The following SCN8A variants were observed in gnomAD, a reference collection of about 807,000 sequenced individuals.
SCN8A encodes the protein sodium voltage-gated channel alpha subunit 8, also known as sodium channel protein type 8 subunit alpha.
In SCN8A, 30 loss-of-function variants were observed where a neutral mutation model predicts 184.1. That is an observed-to-expected ratio of 0.16 (90% CI 0.12 to 0.22). The LOEUF (loss-of-function observed/expected upper bound fraction) is 0.22, where lower values mean the gene tolerates loss of function less well. Ranked by LOEUF, SCN8A falls within the 10% of genes least tolerant of loss-of-function variation. The probability of loss-of-function intolerance (pLI) is 1.00; values close to 1 mark genes in which losing one functional copy is unlikely to be tolerated. For synonymous variants in SCN8A, 852 were observed against 907.0 expected (o/e 0.94, Z 1.09); for missense variants, 1,057 against 2,498.9 (o/e 0.42, Z 12.30).
At chr12:51,767,476 G>A (rs994119492) in intron 16 of SCN8A, among the ~76,000 whole-genome samples, 1 of 152,092 alleles carries the variant, frequency 6.6e-6, no homozygotes, top group Non-Finnish European at 1.5e-5. Context: ...TGTCTTAAAT[G>A]CATCTTTCTT....
chr12:51,602,539 G>C (rs568298584), intron 1 of SCN8A, among the ~76,000 whole-genome samples: 6 of 152,264 alleles, frequency 3.9e-5, no homozygotes, highest in South Asian at 4.1e-4. Flanking sequence ...GATAATGGTT[G>C]TACCACAATG....
At chr12:51,711,439 C>G (rs1941874125) in intron 11 of SCN8A, among the ~76,000 whole-genome samples, 1 of 152,158 alleles carries the variant, frequency 6.6e-6, no homozygotes, top group African/African-American at 2.4e-5. Flanking sequence ...CCTGCAGTTT[C>G]TCTGGAAGAG....
At chr12:51,600,138 A>T (rs1939432491) in intron 1 of SCN8A, among the ~76,000 whole-genome samples, 1 of 152,128 alleles carries the variant, frequency 6.6e-6, no homozygotes. Flanking sequence ...GAACTTTATT[A>T]TCTAAGCTCT....
chr12:51,770,111 C>T (rs554606524), intron 18 of SCN8A, 126 bp downstream of exon 18: 2 of 674,094 alleles, frequency 3.0e-6, no homozygotes, highest in South Asian at 3.4e-5. Context: ...CTCCCCACCC[C>T]ACCATTTTGA....
chr12:51,801,633 A>G (rs78203087), intron 26 of SCN8A, among the ~76,000 whole-genome samples: 4,161 of 152,262 alleles, frequency 0.027, 178 homozygotes, highest in African/African-American at 0.092. Flanking sequence ...TAAACACAGA[A>G]TCCCTGCTTA....
intron 1 of SCN8A, among the ~76,000 whole-genome samples, chr12:51,596,599 T>A (rs1461085922): frequency 6.6e-6 from 1 of 152,200 alleles, no homozygotes; most frequent in Admixed American, 6.5e-5. Flanking sequence ...TAATGAAAGA[T>A]TCTGGGATAG....
At chr12:51,799,297 G>C (rs147318350) in intron 26 of SCN8A, among the ~76,000 whole-genome samples, 1,618 of 152,244 alleles carry the variant, frequency 0.011, 25 homozygotes, top group African/African-American at 0.034. Context: ...TCCATTTGAC[G>C]ATGGAATGCT....
At chr12:51,755,239 G>T (rs1275368756) in intron 14 of SCN8A, among the ~76,000 whole-genome samples, 2 of 152,180 alleles carry the variant, frequency 1.3e-5, no homozygotes, top group Admixed American at 1.3e-4. Context: ...TAAATTTCCT[G>T]TTCATTCAGA....
In SCN8A at chr12:51,810,586, GTA is replaced by G. The variant is rs1387409702; in HGVS notation, c.*3159_*3160del. On this transcript the variant is annotated 3_prime_UTR_variant, in exon 27 of 27. Coordinates refer to ENST00000627620, the MANE Select transcript of SCN8A (RefSeq NM_001330260.2). ...TTTTTGTAGCCAGGTCCTTGGTGCA[GTA>G]TTTATACTCCACAATCCACCTTTTA... 2 of 157,294 alleles carry G rather than the reference GTA, an allele frequency of 1.3e-5. No homozygotes were observed. The highest frequency in any genetic ancestry group is 2.8e-5 in the Non-Finnish European group (2 of 72,164). The allele number at this position is 157,294 out of a possible 1,614,324, so 9.7% of individuals were successfully genotyped here.
intron 1 of SCN8A, among the ~76,000 whole-genome samples, chr12:51,631,495 G>T (rs572584000): frequency 6.6e-6 from 1 of 152,152 alleles, no homozygotes; most frequent in Admixed American, 6.6e-5. Context: ...TTGTCTCTGC[G>T]TACTTCAACT....
chr12:51,800,709 T>C (rs1370634143), intron 26 of SCN8A, among the ~76,000 whole-genome samples: 1 of 152,196 alleles, frequency 6.6e-6, no homozygotes, highest in Non-Finnish European at 1.5e-5. Context: ...CTGACCTCCA[T>C]AAGCCCTTAC....
At chr12:51,766,124 C>T (rs1458573307) in intron 16 of SCN8A, 97 bp downstream of exon 16, 1 of 939,804 alleles carries the variant, frequency 1.1e-6, no homozygotes, top group African/African-American at 1.6e-5. Flanking sequence ...CCTTCTACTA[C>T]CCGTCATGTT....
At chr12:51,740,770 T>C (rs1174834972) in intron 12 of SCN8A, among the ~76,000 whole-genome samples, 2 of 152,140 alleles carry the variant, frequency 1.3e-5, no homozygotes, top group African/African-American at 4.8e-5. Context: ...TTGAAGTCTC[T>C]AACTGTTATT....
At chr12:51,724,859 GT>G (rs769064544) in intron 12 of SCN8A, among the ~76,000 whole-genome samples, 1 of 152,076 alleles carries the variant, frequency 6.6e-6, no homozygotes, top group Admixed American at 6.6e-5. Context: ...TTTTGTTTTT[GT>G]TTTTTTAGCA....
chr12:51,761,838 G>A (rs1159945298), intron 14 of SCN8A, among the ~76,000 whole-genome samples: 5 of 151,890 alleles, frequency 3.3e-5, no homozygotes, highest in East Asian at 3.9e-4. Context: ...GGAGAACCGT[G>A]TAGCAACATG....
intron 12 of SCN8A, among the ~76,000 whole-genome samples, chr12:51,733,554 G>A (rs1942277783): frequency 6.6e-6 from 1 of 152,068 alleles, no homozygotes; most frequent in African/African-American, 2.4e-5. Context: ...TCCATGTCTG[G>A]TTTTAGTATC....
At chr12:51,682,127 T>A (rs1375551797) in intron 2 of SCN8A, among the ~76,000 whole-genome samples, 1 of 152,252 alleles carries the variant, frequency 6.6e-6, no homozygotes, top group Non-Finnish European at 1.5e-5. Context: ...TATGTTGCAT[T>A]ACATTGGTTG....
chr12:51,774,142 T>G, intron 19 of SCN8A, 47 bp from the exon 20 acceptor site: 1 of 1,593,666 alleles, frequency 6.3e-7, no homozygotes, highest in South Asian at 1.1e-5. Context: ...CCCTGTGGCC[T>G]GCTTGCCTTT....
At chr12:51,633,931 T>C (rs1940256085) in intron 1 of SCN8A, among the ~76,000 whole-genome samples, 1 of 152,252 alleles carries the variant, frequency 6.6e-6, no homozygotes, top group African/African-American at 2.4e-5. Context: ...AAACACATCC[T>C]AGAACCCATT....
Sources: gnomAD v4.1 joint callset for allele counts (sites outside exome capture counted in the v4.1 genomes callset) on GRCh38, gnomAD v4.1.1 for gene constraint, MANE v1.5 for transcripts, NCBI Gene and HGNC (gene_info 2026-07-23, HGNC 2026-07-21) for gene names.